LITAF: variants seen among roughly 807,000 people sequenced by gnomAD.
The protein encoded by LITAF is lipopolysaccharide induced TNF factor, also known as lipopolysaccharide-induced tumor necrosis factor-alpha factor.
A neutral mutation model predicts 14.5 loss-of-function variants in LITAF; 9 were observed. The observed-to-expected ratio is 0.62, with a 90% CI of 0.37 to 1.08. The LOEUF is 1.08. LITAF is among the 50% of genes least tolerant of loss of function. The pLI is 0.01. For missense variants in LITAF, 206 were observed against 213.4 expected (o/e 0.97, Z 0.22); for synonymous variants, 98 against 88.2 (o/e 1.11, Z -0.62).
At chr16:11,594,280 A>AACTTCATT (rs1240864582) in intron 1 of LITAF, among the ~76,000 whole-genome samples, 1 of 149,966 alleles carries the variant, frequency 6.7e-6, no homozygotes, top group Non-Finnish European at 1.5e-5. Flanking sequence ...TAAAATGTTA[A>AACTTCATT]ACTTCATTAC....
intron 1 of LITAF, among the ~76,000 whole-genome samples, chr16:11,568,716 G>C (rs1429962364): frequency 1.5e-5 from 2 of 132,178 alleles, no homozygotes; most frequent in African/African-American, 5.7e-5. Context: ...GTCTCATTCT[G>C]TTGCCCAGGC....
Position 11,548,916 on chromosome 16 carries a change from GA to G in LITAF, c.*720del, listed in dbSNP as rs1270562962. 3.1e-5 allele frequency: 14 copies of G among 453,892 alleles called. No individual in the cohort carries two copies. Among genetic ancestry groups the G allele is most frequent in the Admixed American group, 4.7e-5 (2 of 42,542 alleles). 28.1% of individuals were successfully genotyped at this position (453,892 alleles called of 1,614,324 possible). A position where few individuals can be genotyped will look rare whatever the true frequency, so the allele number is the denominator to read the frequency against. The stretch of plus-strand genomic sequence containing the variant: ...TCTATGAGAAAAAAATCCCTGTATG[GA>G]AAGGGGCACTGAAGATCTGGCACAG... On this transcript the variant is annotated 3_prime_UTR_variant, in exon 4 of 4. Transcript: ENST00000622633.
At chr16:11,568,772 C>T (rs1377694683) in intron 1 of LITAF, among the ~76,000 whole-genome samples, 3 of 151,662 alleles carry the variant, frequency 2.0e-5, no homozygotes, top group East Asian at 1.9e-4. Flanking sequence ...CTCCACCTCC[C>T]GGGTTCAAGC....
At chr16:11,557,741 G>A (rs142856911) in intron 1 of LITAF, among the ~76,000 whole-genome samples, 444 of 152,320 alleles carry the variant, frequency 2.9e-3, no homozygotes, top group African/African-American at 0.01. Context: ...ATGAGCCACC[G>A]CGCCCAGCCT....
At chr16:11,581,396 C>T (rs1474858538) in intron 1 of LITAF, among the ~76,000 whole-genome samples, 1 of 152,140 alleles carries the variant, frequency 6.6e-6, no homozygotes, top group Non-Finnish European at 1.5e-5. Flanking sequence ...CCTGTAATGG[C>T]AATACTTTGA....
upstream of LITAF, among the ~76,000 whole-genome samples, chr16:11,601,289 C>G (rs1218734961): frequency 6.6e-6 from 1 of 151,928 alleles, no homozygotes; most frequent in Non-Finnish European, 1.5e-5. Flanking sequence ...AGGTCATTCC[C>G]CCACCCAACC....
At chr16:11,579,114 G>A (rs1231106666) in intron 1 of LITAF, among the ~76,000 whole-genome samples, 4 of 151,892 alleles carry the variant, frequency 2.6e-5, no homozygotes, top group African/African-American at 4.8e-5. Flanking sequence ...GCTTGAACCC[G>A]GGAGGCCAAG....
chr16:11,637,914 C>CTA (rs1424770844), upstream of LITAF, among the ~76,000 whole-genome samples: 3 of 49,176 alleles, frequency 6.1e-5, no homozygotes, highest in African/African-American at 5.6e-4. Flanking sequence ...ATATATATAT[C>CTA]TATATCTATA....
rs2064953337 is a variant in LITAF at position 11,605,996 on chromosome 16, A to G, written c.85+27537T>C. The stretch of plus-strand genomic sequence containing the variant: ...TGTTGCACACACAGGATATGTGATC[A>G]TTGATTTAGTTGAGGGATCCTTTTT... On this transcript the variant is annotated intron_variant, in intron 3 of 3. Transcript: ENST00000574848. This position sits in a 1 kb window ranked among gnomAD's most constrained non-coding sequence, Gnocchi z 4.7. Among the ~76,000 whole-genome samples, 1 of 151,998 alleles carries G rather than the reference A, an allele frequency of 6.6e-6. No homozygotes were observed. The highest frequency in any genetic ancestry group is 1.5e-5 in the Non-Finnish European group (1 of 68,004).
chr16:11,569,269 C>A (rs147070096), intron 1 of LITAF, among the ~76,000 whole-genome samples: 1 of 152,308 alleles, frequency 6.6e-6, no homozygotes, highest in East Asian at 1.9e-4. Context: ...GAGAAGGAAT[C>A]TCACTCTATT....
intron 3 of LITAF, among the ~76,000 whole-genome samples, chr16:11,614,298 CTTT>C (rs34958536): frequency 1.3e-4 from 18 of 134,938 alleles, no homozygotes; most frequent in Non-Finnish European, 1.7e-4. Flanking sequence ...TTTTTCTTTT[CTTT>C]TTTTTTTTTT....
intron 1 of LITAF, among the ~76,000 whole-genome samples, chr16:11,567,134 G>A (rs1291231137): frequency 1.3e-5 from 2 of 151,948 alleles, no homozygotes; most frequent in Non-Finnish European, 2.9e-5. Flanking sequence ...AACATGGGTG[G>A]ACAGGCTGGG....
intron 1 of LITAF, among the ~76,000 whole-genome samples, chr16:11,564,074 T>A (rs1341392074): frequency 6.6e-6 from 1 of 151,788 alleles, no homozygotes; most frequent in Non-Finnish European, 1.5e-5. Flanking sequence ...ACCCAGCTAA[T>A]TTTTTTGTAT....
rs528523783 is a variant in LITAF, at chr16:11,597,895, C to A, written c.-6+493G>T. 1.2e-4 allele frequency among the ~76,000 whole-genome samples: 18 copies of A among 152,252 alleles called. No individual in the cohort carries two copies. The South Asian group carries it at 2.9e-3, about 25-fold the overall frequency. On this transcript the variant is annotated intron_variant, in intron 1 of 3. Coordinates refer to the LITAF transcript ENST00000571627. The stretch of plus-strand genomic sequence containing the variant: ...AGGCTGGAAATGGGACAAAACCCAG[C>A]ATGCTTTTTTGCTTTCTTTTTTCTT...
In LITAF at chr16:11,632,057, C is replaced by T. The variant is rs972842847; in HGVS notation, c.85+1476G>A. Among the ~76,000 whole-genome samples the T allele has an allele frequency of 6.6e-6, 1 of 151,562 alleles. No individual in the cohort carries two copies. Among genetic ancestry groups the T allele is most frequent in the African/African-American group, 2.4e-5 (1 of 41,246 alleles). ...AATTTTTTTGTCTTTTTAGTAGAGA[C>T]GGGGTTTCACCGTGTTAACCAGGAT... On this transcript the variant is annotated intron_variant, in intron 3 of 3. Transcript: ENST00000574848. This position sits in a 1 kb window ranked among gnomAD's most constrained non-coding sequence, Gnocchi z 4.8.
chr16:11,565,437 A>T (rs1597341785), intron 1 of LITAF, among the ~76,000 whole-genome samples: 1 of 2,784 alleles, frequency 3.6e-4, no homozygotes, highest in East Asian at 8.2e-3. Flanking sequence ...TTCACTAAAA[A>T]GCGGGGGGCG....
At chr16:11,570,148 C>G (rs909339772) in intron 1 of LITAF, among the ~76,000 whole-genome samples, 12 of 151,460 alleles carry the variant, frequency 7.9e-5, no homozygotes, top group African/African-American at 2.9e-4. Context: ...CTACGGTGTG[C>G]AAATGGGGGT....
At chr16:11,571,924 C>G (rs889344245) in intron 1 of LITAF, among the ~76,000 whole-genome samples, 1 of 151,942 alleles carries the variant, frequency 6.6e-6, no homozygotes, top group African/African-American at 2.4e-5. Context: ...TGGCAAAACT[C>G]TGTCTCTTTT....
chr16:11,631,838 ATTTTC>A (rs569880181), intron 3 of LITAF, among the ~76,000 whole-genome samples: 5,737 of 141,532 alleles, frequency 0.041, 111 homozygotes, highest in Non-Finnish European at 0.06. Flanking sequence ...CAAAGACCCT[ATTTTC>A]TTTTCTTTTC....
Sources: gnomAD v4.1 joint callset for allele counts (sites outside exome capture counted in the v4.1 genomes callset) on GRCh38, gnomAD v4.1.1 for gene constraint, Gnocchi (gnomAD v3.1) non-coding constraint, MANE v1.5 for transcripts, NCBI Gene and HGNC (gene_info 2026-07-23, HGNC 2026-07-21) for gene names.